The following KNTC1 variants were observed in gnomAD, a reference collection of about 807,000 sequenced individuals.
KNTC1 encodes the protein kinetochore associated 1.
In KNTC1, 253 loss-of-function variants were observed where a neutral mutation model predicts 314.4. That is an observed-to-expected ratio of 0.80 (90% CI 0.73 to 0.89). The LOEUF (loss-of-function observed/expected upper bound fraction) is 0.89, where lower values mean the gene tolerates loss of function less well. Among genes scored for constraint, KNTC1 ranks in the 40% least tolerant of loss-of-function variants. The probability of loss-of-function intolerance (pLI) is 0.00; values close to 1 mark genes in which losing one functional copy is unlikely to be tolerated. For missense variants in KNTC1, 2,475 were observed against 2,572.9 expected (o/e 0.96, Z 0.82); for synonymous variants, 901 against 901.4 (o/e 1.00, Z 0.01).
At chr12:122,563,409 T>C (rs1053073167) in intron 20 of KNTC1, among the ~76,000 whole-genome samples, 1 of 152,158 alleles carries the variant, frequency 6.6e-6, no homozygotes, top group African/African-American at 2.4e-5. Flanking sequence ...GACATTACTA[T>C]TTAACAGTAA....
At position 122,590,742 on chromosome 12, in the gene KNTC1, C is replaced by A; in HGVS notation, c.4128+7C>A. 1 of 1,608,678 alleles carries A rather than the reference C, an allele frequency of 6.2e-7. No homozygotes were observed. The highest frequency in any genetic ancestry group is 1.1e-5 in the South Asian group (1 of 89,792). On this transcript the variant is annotated splice_region_variant and intron_variant, in intron 41 of 63. Transcript: ENST00000333479. ...GAATTACGACAAAATCTTGGTATGT[C>A]CTAAGGAAGCACACCTTCAATTCTT... is the stretch of plus-strand genomic sequence containing the variant.
chr12:122,617,676 T>G (rs1261522470), intron 57 of KNTC1, among the ~76,000 whole-genome samples: 21 of 152,202 alleles, frequency 1.4e-4, no homozygotes, highest in Admixed American at 1.4e-3. Flanking sequence ...CAGCAAGGAT[T>G]GTATAATGAG....
At chr12:122,611,279 C>T (rs1341061966) in intron 53 of KNTC1, 1 of 173,846 alleles carries the variant, frequency 5.8e-6, no homozygotes, top group Non-Finnish European at 1.2e-5. Flanking sequence ...CTTCTGCCCA[C>T]TAAATTCTAG....
rs1960976833 is a variant in KNTC1, at chr12:122,528,502, G to A, written c.-74+1151G>A. 3.9e-5 allele frequency among the ~76,000 whole-genome samples: 6 copies of A among 152,148 alleles called. 1 individual carries two copies. In the South Asian group the frequency reaches 1.2e-3, roughly 32 times the overall value. On this transcript the variant is annotated intron_variant, in intron 1 of 63. Transcript: ENST00000333479. ...GAAGCAGAAGGATTGCTTGAGCCCA[G>A]GAGATCAAGGCCAGCCAGGGCAAAA...
intron 35 of KNTC1, 111 bp downstream of exon 35, chr12:122,584,561 G>A (rs1170663245): frequency 1.4e-6 from 1 of 720,794 alleles, no homozygotes; most frequent in Non-Finnish European, 2.2e-6. Context: ...ACTAGAGATA[G>A]TATCTGCATT....
At chr12:122,550,916 C>CT (rs1042702124) in intron 13 of KNTC1, among the ~76,000 whole-genome samples, 12 of 152,014 alleles carry the variant, frequency 7.9e-5, no homozygotes, top group African/African-American at 2.9e-4. Flanking sequence ...TCATGTTAAG[C>CT]TTTTTTTGGC....
At chr12:122,552,881 G>T (rs750241899) in intron 16 of KNTC1, among the ~76,000 whole-genome samples, 2 of 152,064 alleles carry the variant, frequency 1.3e-5, no homozygotes, top group Non-Finnish European at 2.9e-5. Context: ...GGCCAGGTGC[G>T]GTGGCTCACT....
chr12:122,592,431 G>A (rs1870386105), intron 42 of KNTC1, among the ~76,000 whole-genome samples: 1 of 152,260 alleles, frequency 6.6e-6, no homozygotes, highest in Admixed American at 6.5e-5. Flanking sequence ...GGACTGGCAG[G>A]CAGCTCCACC....
rs761841925 is a variant in KNTC1 at position 122,546,212 on chromosome 12, G to A, written c.706G>A (p.Asp236Asn). 2.2e-5 allele frequency: 36 copies of A among 1,610,072 alleles called. 1 individual carries two copies. The South Asian group carries it at 3.8e-4, about 17-fold the overall frequency. The change falls in exon 9 of 64, where the codon GAT becomes AAT. Residue 236 changes from aspartate to asparagine, a missense_variant. Physicochemically the swap from Asp to Asn is conservative, Grantham distance 23. Coordinates refer to ENST00000333479, the MANE Select transcript of KNTC1 (RefSeq NM_014708.6). ...TTGTGCATTCTCAAAATGGGAACCA[G>A]ATTCTTCCAAGAAAGGAATGACAGT... ...GNCAFSKWEP[D>N]SSKKGMTVKN...
intron 51 of KNTC1, among the ~76,000 whole-genome samples, chr12:122,609,021 T>G (rs1232408668): frequency 1.3e-5 from 2 of 152,172 alleles, no homozygotes; most frequent in African/African-American, 4.8e-5. Flanking sequence ...GTTGTGCCAC[T>G]GTACTCCAGC....
chr12:122,530,163 G>T lies in KNTC1; in HGVS notation c.100G>T (p.Asp34Tyr), dbSNP rs1961195916. ...KEHGTALYQV[D>Y]LLVKISSEKA... ...ACATGGAACTGCTTTATATCAAGTA[G>T]ATTTGCTAGTGAAGATCTCTTCTGA... Residue 34 changes from aspartate to tyrosine, a missense_variant, in exon 2 of 64, where the codon GAT (aspartate) becomes TAT (tyrosine). Asp to Tyr is a radical substitution (Grantham distance 160). Transcript: ENST00000333479. 4 of 1,613,422 alleles carry T rather than the reference G, an allele frequency of 2.5e-6. No individual in the cohort carries two copies. Among genetic ancestry groups the T allele is most frequent in the Non-Finnish European group, 3.4e-6 (4 of 1,179,618 alleles).
rs1965075038 is a variant in KNTC1 at position 122,577,007 on chromosome 12, T to C, written c.2699T>C (p.Ile900Thr). ...GATGAGATCTACAGTCTAAGAATTATTGACCTGATTGATAGAGAACAGGTT... is the reference window on the plus strand; with the variant it reads ...GATGAGATCTACAGTCTAAGAATTACTGACCTGATTGATAGAGAACAGGTT... Reference protein sequence around the residue: ...SDDEIYSLRIIDLIDREQGED... With the variant: ...SDDEIYSLRITDLIDREQGED... Residue 900 changes from isoleucine (I) to threonine (T), a missense_variant, in exon 30 of 64, where the codon ATT (isoleucine) becomes ACT (threonine). Physicochemically the swap from Ile to Thr is moderately conservative, Grantham distance 89. Transcript: ENST00000333479. 1.3e-6 allele frequency: 2 copies of C among 1,561,878 alleles called. No homozygotes were observed. Among genetic ancestry groups the C allele is most frequent in the East Asian group, 2.3e-5 (1 of 43,358 alleles).
intron 6 of KNTC1, among the ~76,000 whole-genome samples, 195 bp downstream of exon 6, chr12:122,542,322 T>C (rs1413111564): frequency 6.6e-6 from 1 of 152,236 alleles, no homozygotes; most frequent in Non-Finnish European, 1.5e-5. Flanking sequence ...TCTGAATAAA[T>C]GTAATTTTGA....
At position 122,575,893 on chromosome 12, in the gene KNTC1, A is replaced by G. The variant is rs1565975232; in HGVS notation, c.2580A>G (p.Glu860=). The G allele has an allele frequency of 6.2e-7, 1 of 1,610,700 alleles. No individual in the cohort carries two copies. The highest frequency in any genetic ancestry group is 8.5e-7 in the Non-Finnish European group (1 of 1,179,004). ...GAGAGGTAAATCTCTTAAACAAGGA[A>G]ATAATGGTAAGTACACTCTTCGAAG... The part of the protein sequence containing the change: ...GIREVNLLNK[E]IMRVVRYILK... Residue 860 remains glutamate (E), a synonymous_variant, in exon 29 of 64, where the codon GAA becomes GAG. Coordinates refer to ENST00000333479, the MANE Select transcript of KNTC1 (RefSeq NM_014708.6).
chr12:122,579,635 G>A (rs7316509), intron 31 of KNTC1, among the ~76,000 whole-genome samples: 7,803 of 152,128 alleles, frequency 0.051, 644 homozygotes, highest in African/African-American at 0.18. Context: ...CTCTAAAAGC[G>A]AATAAGGATC....
chr12:122,610,991 G>C, intron 53 of KNTC1, 91 bp downstream of exon 53: 1 of 881,068 alleles, frequency 1.1e-6, no homozygotes, highest in South Asian at 1.4e-5. Context: ...TGCATTAACA[G>C]ATGATTCAGA....
At chr12:122,533,967 C>G (rs989484640) in intron 2 of KNTC1, among the ~76,000 whole-genome samples, 4 of 152,164 alleles carry the variant, frequency 2.6e-5, no homozygotes, top group Non-Finnish European at 5.9e-5. Context: ...TTAGTTGATG[C>G]ATTTGCCTAA....
rs754126939 is a variant in KNTC1, at chr12:122,573,319, G to A, written c.2283+34G>A. On this transcript the variant is annotated intron_variant, in intron 26 of 63. Transcript: ENST00000333479. ...TCCTTTACATCTAGTCTTATTTCTT[G>A]GATCTATGCAGTGTAGCACTGTAGT... 3.1e-6 allele frequency: 5 copies of A among 1,589,500 alleles called. No individual in the cohort carries two copies. In the African/African-American group the frequency reaches 6.7e-5, roughly 21 times the overall value.
rs192207649 is a variant in KNTC1, at chr12:122,611,965, C to A, written c.5622+1065C>A. ...TTTGATCCACTGTTGGTTGATTCCA[C>A]GAATACAGAACCCATGGAAATGGGG... On this transcript the variant is annotated intron_variant, in intron 53 of 63. Coordinates refer to ENST00000333479, the MANE Select transcript of KNTC1 (RefSeq NM_014708.6). Among the ~76,000 whole-genome samples the A allele has an allele frequency of 2.6e-5, 4 of 151,412 alleles. No homozygotes were observed. The East Asian group carries it at 7.7e-4, about 29-fold the overall frequency.
Sources: gnomAD v4.1 joint callset for allele counts (sites outside exome capture counted in the v4.1 genomes callset) on GRCh38, gnomAD v4.1.1 for gene constraint, MANE v1.5 for transcripts, NCBI Gene and HGNC (gene_info 2026-07-23, HGNC 2026-07-21) for gene names.